The following FYN variants were observed in gnomAD, a reference collection of about 807,000 sequenced individuals.
The protein encoded by FYN is FYN proto-oncogene, Src family tyrosine kinase, also known as tyrosine-protein kinase Fyn.
A neutral mutation model predicts 70.2 loss-of-function variants in FYN; 10 were observed. The observed-to-expected ratio is 0.14, with a 90% CI of 0.09 to 0.24. FYN has a LOEUF of 0.24. FYN is among the 10% of genes least tolerant of loss of function. FYN has a pLI of 1.00. For synonymous variants in FYN, 236 were observed against 248.6 expected, an observed-to-expected ratio of 0.95 and a Z score of 0.48; for missense variants, 319 against 673.1, an observed-to-expected ratio of 0.47 and a Z score of 5.82.
At chr6:111,809,758 A>G (rs1428475230) in intron 2 of FYN, among the ~76,000 whole-genome samples, 1 of 152,202 alleles carries the variant, frequency 6.6e-6, no homozygotes, top group African/African-American at 2.4e-5. Flanking sequence ...CTATCAAAGA[A>G]TATCGGTTTT....
intron 6 of FYN, 37 bp from the exon 7 acceptor site, chr6:111,704,139 T>C (rs755546092): frequency 1.9e-6 from 3 of 1,562,462 alleles, no homozygotes; most frequent in Non-Finnish European, 2.6e-6. Context: ...TATTTTGAAA[T>C]AGTCATTTAC....
intron 2 of FYN, among the ~76,000 whole-genome samples, chr6:111,837,891 T>C (rs1773239875): frequency 1.3e-5 from 2 of 152,212 alleles, no homozygotes; most frequent in African/African-American, 2.4e-5. Flanking sequence ...AATGCACAAA[T>C]TGCTGTTTTA....
At chr6:111,710,714 A>C (rs1467877903) in intron 5 of FYN, among the ~76,000 whole-genome samples, 1 of 152,224 alleles carries the variant, frequency 6.6e-6, no homozygotes, top group Non-Finnish European at 1.5e-5. Context: ...GAGCGAGTGA[A>C]TTAAGTCATC....
intron 2 of FYN, among the ~76,000 whole-genome samples, chr6:111,837,092 C>T (rs960878658): frequency 6.6e-6 from 1 of 152,178 alleles, no homozygotes; most frequent in Non-Finnish European, 1.5e-5. Flanking sequence ...CCAGTGAGGC[C>T]TTCCCACACC....
intron 2 of FYN, among the ~76,000 whole-genome samples, chr6:111,809,901 C>G (rs1020239067): frequency 6.6e-6 from 1 of 152,108 alleles, no homozygotes; most frequent in African/African-American, 2.4e-5. Flanking sequence ...ATACAAATGA[C>G]TAAAGTGTGG....
chr6:111,698,022 A>G (rs530337760), intron 9 of FYN, among the ~76,000 whole-genome samples: 19 of 152,182 alleles, frequency 1.2e-4, no homozygotes, highest in African/African-American at 4.3e-4. Flanking sequence ...ATATATGTGT[A>G]TGTCTGTCTA....
chr6:111,721,395 T>C (rs930005345), intron 3 of FYN, among the ~76,000 whole-genome samples: 3 of 152,152 alleles, frequency 2.0e-5, no homozygotes, highest in Non-Finnish European at 4.4e-5. Context: ...CTGTAGCCTA[T>C]TATGTTTCTC....
At chr6:111,755,652 A>T (rs990593452) in intron 3 of FYN, among the ~76,000 whole-genome samples, 9 of 152,216 alleles carry the variant, frequency 5.9e-5, no homozygotes, top group African/African-American at 9.6e-5. Flanking sequence ...TTTTGTGGAA[A>T]TAGTATCATA....
intron 2 of FYN, among the ~76,000 whole-genome samples, chr6:111,845,629 T>C (rs1773504723): frequency 6.6e-6 from 1 of 152,328 alleles, no homozygotes; most frequent in Non-Finnish European, 1.5e-5. Flanking sequence ...TCTCTTGCAC[T>C]CAAATCAAGA....
intron 3 of FYN, among the ~76,000 whole-genome samples, chr6:111,725,051 GA>G (rs1801130471): frequency 1.2e-5 from 1 of 86,322 alleles, no homozygotes. Context: ...CAGTCAGCAG[GA>G]ATAGCATTAG....
chr6:111,834,745 C>T (rs1383024277), intron 2 of FYN, among the ~76,000 whole-genome samples: 1 of 152,218 alleles, frequency 6.6e-6, no homozygotes, highest in Admixed American at 6.5e-5. Flanking sequence ...CTCCCACCCA[C>T]AAGCCAACCC....
At chr6:111,772,482 C>T (rs1803489088) in intron 3 of FYN, among the ~76,000 whole-genome samples, 1 of 152,170 alleles carries the variant, frequency 6.6e-6, no homozygotes, top group African/African-American at 2.4e-5. Flanking sequence ...TGCACCTTGA[C>T]ATTGGTTAGG....
chr6:111,693,852 C>T (rs6934721), intron 12 of FYN, among the ~76,000 whole-genome samples: 19,889 of 152,058 alleles, frequency 0.13, 1,478 homozygotes, highest in South Asian at 0.35. Context: ...CCATCCCTGA[C>T]GTCTCTCTTT....
chr6:111,707,041 A>G (rs1238580935), intron 6 of FYN, among the ~76,000 whole-genome samples: 1 of 152,216 alleles, frequency 6.6e-6, no homozygotes, highest in African/African-American at 2.4e-5. Context: ...TCCCTCTTGC[A>G]CTACTTAAAC....
At position 111,791,395 on chromosome 6, in the gene FYN, C is replaced by T. The variant is rs144621813; in HGVS notation, c.-81-10760G>A. Among the ~76,000 whole-genome samples, 696 of 152,154 alleles carry T rather than the reference C, an allele frequency of 4.6e-3. 6 individuals carry two copies. Among genetic ancestry groups the T allele is most frequent in the Middle Eastern group, 0.014 (4 of 294 alleles). ...GTAGTATAGATTGAACCGTGTCCCC[C>T]AAAAAGATATGAAGTTCTAACCCCC... On this transcript the variant is annotated intron_variant, in intron 2 of 13. Coordinates refer to ENST00000354650, the MANE Select transcript of FYN (RefSeq NM_002037.5).
chr6:111,673,622 GTTT>G (rs71021858), intron 13 of FYN, among the ~76,000 whole-genome samples: 20 of 116,588 alleles, frequency 1.7e-4, no homozygotes, highest in South Asian at 8.7e-4. Context: ...TTCTATCATT[GTTT>G]TTTTTTTTTT....
At chr6:111,790,738 C>T (rs1454301101) in intron 2 of FYN, among the ~76,000 whole-genome samples, 2 of 152,184 alleles carry the variant, frequency 1.3e-5, no homozygotes, top group African/African-American at 2.4e-5. Context: ...GGAAAAATTC[C>T]TCAATAATGT....
In FYN at chr6:111,818,136, G is replaced by A. The variant is rs150463029; in HGVS notation, c.-82+28453C>T. 7.2e-5 allele frequency among the ~76,000 whole-genome samples: 11 copies of A among 152,294 alleles called. No individual in the cohort carries two copies. In the East Asian group the frequency reaches 1.5e-3, roughly 21 times the overall value. On this transcript the variant is annotated intron_variant, in intron 2 of 13. Coordinates refer to ENST00000354650, the MANE Select transcript of FYN (RefSeq NM_002037.5). ...CCATGCCAATGCAAGGGTTCACCAC[G>A]CTAAGAATAAGCTATATATTTTGGT...
At chr6:111,730,384 A>G (rs567661415) in intron 3 of FYN, among the ~76,000 whole-genome samples, 1 of 152,256 alleles carries the variant, frequency 6.6e-6, no homozygotes, top group Admixed American at 6.5e-5. Context: ...ACTTGGGGAC[A>G]CCCACTAAAT....
Sources: allele counts gnomAD v4.1 joint callset (sites outside exome capture counted in the v4.1 genomes callset), GRCh38; gene constraint gnomAD v4.1.1; transcripts MANE v1.5; gene names NCBI Gene and HGNC (gene_info 2026-07-23, HGNC 2026-07-21).